PTCD3: variants seen among roughly 807,000 people sequenced by gnomAD.
PTCD3 encodes the protein pentatricopeptide repeat domain 3, also known as small ribosomal subunit protein mS39.
A neutral mutation model predicts 101.9 loss-of-function variants in PTCD3; 89 were observed. The ratio of observed to expected loss-of-function variants is 0.87; its 90% CI spans 0.74 to 1.04. The LOEUF (loss-of-function observed/expected upper bound fraction) is 1.04. PTCD3 is among the 50% of genes least tolerant of loss of function. The probability of loss-of-function intolerance (pLI) is 0.00; values close to 1 mark genes in which losing one functional copy is unlikely to be tolerated. For synonymous variants in PTCD3, 296 were observed against 278.5 expected (o/e 1.06, Z -0.63); for missense variants, 870 against 828.2 (o/e 1.05, Z -0.62).
chr2:86,132,575 A>G (rs1674512217), intron 17 of PTCD3, 151 bp downstream of exon 17: 2 of 498,756 alleles, frequency 4.0e-6, no homozygotes, highest in Non-Finnish European at 7.0e-6. Context: ...GAATTAAAGC[A>G]GTGGTAAAAC....
intron 6 of PTCD3, among the ~76,000 whole-genome samples, chr2:86,118,108 A>G (rs1005533273): frequency 6.6e-6 from 1 of 152,120 alleles, no homozygotes; most frequent in Non-Finnish European, 1.5e-5. Flanking sequence ...TATCTTTCTT[A>G]GATTTTTATG....
chr2:86,127,876 CTA>C (rs1304983231), intron 13 of PTCD3, 63 bp from the exon 14 acceptor site: 10 of 1,259,146 alleles, frequency 7.9e-6, no homozygotes, highest in Middle Eastern at 3.7e-4. Flanking sequence ...TCTCAGTAAA[CTA>C]TGTTTTGGAT....
At chr2:86,137,374 C>T in intron 23 of PTCD3, 95 bp from the exon 24 acceptor site, 5 of 1,521,438 alleles carry the variant, frequency 3.3e-6, no homozygotes, top group South Asian at 1.3e-5. Flanking sequence ...TTTCTGATTT[C>T]AAAACTGACA....
At chr2:86,112,647 A>G (rs1573847858) in intron 4 of PTCD3, among the ~76,000 whole-genome samples, 1 of 143,340 alleles carries the variant, frequency 7.0e-6, no homozygotes, top group East Asian at 2.2e-4. Flanking sequence ...CTGCCACTGC[A>G]TTCCAGCCTG....
chr2:86,136,088 C>G (rs1477125723), intron 21 of PTCD3: 1 of 510,256 alleles, frequency 2.0e-6, no homozygotes, highest in Non-Finnish European at 3.9e-6. Flanking sequence ...TTCTATGCCT[C>G]TTTTCCAGCT....
At chr2:86,134,220 AG>A in intron 19 of PTCD3, 71 bp from the exon 20 acceptor site, 1 of 1,133,106 alleles carries the variant, frequency 8.8e-7, no homozygotes, top group Non-Finnish European at 1.3e-6. Flanking sequence ...ACCAAAAAAT[AG>A]GTTGACAGTG....
At chr2:86,136,314 T>A (rs567417238) in intron 21 of PTCD3, among the ~76,000 whole-genome samples, 1 of 137,730 alleles carries the variant, frequency 7.3e-6, no homozygotes, top group Admixed American at 7.1e-5. Flanking sequence ...CAGTGTAGAT[T>A]CGTTTGGGGA....
In PTCD3 at chr2:86,139,952, AC is replaced by A. The variant is rs1674654840; in HGVS notation, c.*2394del. 6.6e-6 allele frequency: 1 copy of A among 152,230 alleles called. No homozygotes were observed. The highest frequency in any genetic ancestry group is 2.4e-5 in the African/African-American group (1 of 41,464). The allele number at this position is 152,230 out of a possible 1,614,324, so 9.4% of individuals were successfully genotyped here. ...GAAACTAGACTTCTAGTTTGGTTCA[AC>A]ATTTGAGGGTTGTTTTATAGCCATC... On this transcript the variant is annotated 3_prime_UTR_variant, in exon 24 of 24. Coordinates refer to ENST00000254630, the MANE Select transcript of PTCD3 (RefSeq NM_017952.6).
intron 21 of PTCD3, 181 bp downstream of exon 21, chr2:86,135,168 T>C (rs1674564607): frequency 3.6e-6 from 2 of 554,606 alleles, no homozygotes; most frequent in Middle Eastern, 4.7e-4. Flanking sequence ...GTAGTTGAGA[T>C]AAGGCATAGT....
chr2:86,127,756 T>C (rs1674422463), intron 13 of PTCD3, 185 bp from the exon 14 acceptor site: 1 of 594,684 alleles, frequency 1.7e-6, no homozygotes, highest in African/African-American at 1.9e-5. Flanking sequence ...GATACAGTCT[T>C]TGTGATAGTT....
In PTCD3 at chr2:86,130,748, A is replaced by T; in HGVS notation, c.1237+11A>T. 3.1e-6 allele frequency: 5 copies of T among 1,612,732 alleles called. No homozygotes were observed. The highest frequency in any genetic ancestry group is 4.2e-6 in the Non-Finnish European group (5 of 1,179,372). On this transcript the variant is annotated intron_variant, in intron 15 of 23. Transcript: ENST00000254630. The stretch of plus-strand genomic sequence containing the variant: ...AGGACCCGGATGATGGCATGTATAG[A>T]AATCACTTGTGTTTTCCTCCTCTAA...
Position 86,134,844 on chromosome 2 carries a change from G to T in PTCD3, c.1635G>T (p.Gln545His), listed in dbSNP as rs140399801. The T allele has an allele frequency of 2.5e-6, 4 of 1,614,054 alleles. No individual in the cohort carries two copies. The highest frequency in any genetic ancestry group is 3.4e-6 in the Non-Finnish European group (4 of 1,180,012). ...CTGACTCCTAAGCTTCTCAGCTTCAGGTGGCATTTGCTGACTGTGCTGCTG... is the reference window on the plus strand; with the variant it reads ...CTGACTCCTAAGCTTCTCAGCTTCATGTGGCATTTGCTGACTGTGCTGCTG... ...MARDKHPPEL[Q>H]VAFADCAADI... The change falls in exon 21 of 24, where the codon CAG becomes CAT. Residue 545 changes from glutamine to histidine, a missense_variant. Transcript: ENST00000254630.
At chr2:86,132,171 C>T (rs1240722964) in intron 16 of PTCD3, 147 bp from the exon 17 acceptor site, 6 of 526,714 alleles carry the variant, frequency 1.1e-5, no homozygotes, top group South Asian at 6.3e-5. Context: ...GATTTGTCTC[C>T]CCCCCATTTC....
rs193290586 is a variant in PTCD3 at position 86,139,444 on chromosome 2, G to A, written c.*1885G>A. The A allele has an allele frequency of 1.8e-3, 272 of 152,600 alleles. No individual in the cohort carries two copies. The highest frequency in any genetic ancestry group is 3.5e-3 in the Non-Finnish European group (238 of 68,326). 9.5% of individuals were successfully genotyped at this position (152,600 alleles called of 1,614,324 possible). On this transcript the variant is annotated 3_prime_UTR_variant, in exon 24 of 24. Transcript: ENST00000254630. Reference sequence around the variant, plus strand: ...TAGGAGAGGGAGGTTGCAGTGAGCCGTGATTGCACCACTGCACTCCAGCCT... The same window carrying A: ...TAGGAGAGGGAGGTTGCAGTGAGCCATGATTGCACCACTGCACTCCAGCCT...
intron 15 of PTCD3, 86 bp from the exon 16 acceptor site, chr2:86,130,992 T>C (rs1674485525): frequency 6.9e-7 from 1 of 1,446,678 alleles, no homozygotes. Flanking sequence ...TTACCAGTTT[T>C]GTTGGCAGGA....
intron 11 of PTCD3, 123 bp downstream of exon 11, chr2:86,125,638 T>C (rs1422269043): frequency 9.5e-6 from 11 of 1,162,656 alleles, no homozygotes; most frequent in Non-Finnish European, 1.3e-5. Context: ...GCGTAGATGA[T>C]TGAAGCAAGA....
Position 86,106,300 on chromosome 2 carries a change from A to C in PTCD3, c.53A>C (p.Gln18Pro). 1 of 1,614,020 alleles carries C rather than the reference A, an allele frequency of 6.2e-7. No individual in the cohort carries two copies. Among genetic ancestry groups the C allele is most frequent in the South Asian group, 1.1e-5 (1 of 91,070 alleles). The change falls in exon 1 of 24, where the codon CAG (glutamine) becomes CCG (proline). Residue 18 changes from glutamine to proline, a missense_variant. Gln to Pro is a moderately conservative substitution (Grantham distance 76). Transcript: ENST00000254630. ...CTGGGCCTCCGCAGCAGGCTTGGCC[A>C]GCCGCTGACGGGTCGGCGGGCGGGT... ...RWLGLRSRLG[Q>P]PLTGRRAGLC... is the part of the protein sequence containing the mutation.
At position 86,137,892 on chromosome 2, in the gene PTCD3, C is replaced by A; in HGVS notation, c.*333C>A. 1 of 259,354 alleles carries A rather than the reference C, an allele frequency of 3.9e-6. No homozygotes were observed. The highest frequency in any genetic ancestry group is 7.8e-6 in the Non-Finnish European group (1 of 128,648). The allele number at this position is 259,354 out of a possible 1,614,324, so 16.1% of individuals were successfully genotyped here. ...TGAGCTGACCTCACGATGCTGTCCT[C>A]GTGCGATTGCCCTCTCCTGCTGCTG... On this transcript the variant is annotated 3_prime_UTR_variant, in exon 24 of 24. Coordinates refer to ENST00000254630, the MANE Select transcript of PTCD3 (RefSeq NM_017952.6).
At chr2:86,110,065 C>T (rs1405986196) in intron 3 of PTCD3, among the ~76,000 whole-genome samples, 1 of 152,072 alleles carries the variant, frequency 6.6e-6, no homozygotes, top group African/African-American at 2.4e-5. Context: ...ATGTATGATA[C>T]CTTTTAAAGT....
Sources: allele counts gnomAD v4.1 joint callset (sites outside exome capture counted in the v4.1 genomes callset), GRCh38; gene constraint gnomAD v4.1.1; transcripts MANE v1.5; gene names NCBI Gene and HGNC (gene_info 2026-07-23, HGNC 2026-07-21).